The following HTR1F variants were observed in gnomAD, a reference collection of about 807,000 sequenced individuals.
The protein encoded by HTR1F is 5-hydroxytryptamine receptor 1F, also known as 5-hydroxytryptamine (serotonin) receptor 1F, G protein-coupled.
In HTR1F, 17 loss-of-function variants were observed where a neutral mutation model predicts 24.0. The ratio of observed to expected loss-of-function variants is 0.71; its 90% CI spans 0.48 to 1.06. HTR1F has a LOEUF of 1.06. Ranked by LOEUF, HTR1F falls within the 50% of genes least tolerant of loss-of-function variation. The pLI is 0.00. For synonymous variants in HTR1F, 186 were observed against 156.8 expected, an observed-to-expected ratio of 1.19 and a Z score of -1.39; for missense variants, 391 against 427.8, an observed-to-expected ratio of 0.91 and a Z score of 0.76.
chr3:87,961,550 G>A lies in HTR1F; in HGVS notation c.-42-29158G>A, dbSNP rs148287051. Among the ~76,000 whole-genome samples the A allele has an allele frequency of 5.7e-3, 863 of 152,020 alleles. 9 individuals are homozygous for A. Among genetic ancestry groups the A allele is most frequent in the African/African-American group, 0.02 (822 of 41,508 alleles). The stretch of plus-strand genomic sequence containing the variant: ...GCCTAGATGGGAGGATCACTTGAAG[G>A]CTGGAGCTTGAGACCAGCCTGGGCA... On this transcript the variant is annotated intron_variant, in intron 2 of 2. Coordinates refer to ENST00000319595, the MANE Select transcript of HTR1F (RefSeq NM_001322209.2).
At position 87,815,458 on chromosome 3, in the gene HTR1F, C is replaced by T. The variant is rs181094850; in HGVS notation, c.-159-6550C>T. On this transcript the variant is annotated intron_variant, in intron 1 of 2. Coordinates refer to ENST00000319595, the MANE Select transcript of HTR1F (RefSeq NM_001322209.2). Reference sequence around the variant, plus strand: ...AGCCTATGGATTTGTCTTTTATTTGCTATGTAATTACCATATTTGAAGATG... The same window carrying T: ...AGCCTATGGATTTGTCTTTTATTTGTTATGTAATTACCATATTTGAAGATG... Among the ~76,000 whole-genome samples the T allele has an allele frequency of 4.6e-4, 70 of 152,084 alleles. 1 individual carries two copies. Among genetic ancestry groups the T allele is most frequent in the Non-Finnish European group, 9.1e-4 (62 of 67,920 alleles).
intron 2 of HTR1F, among the ~76,000 whole-genome samples, chr3:87,888,497 T>C (rs993474531): frequency 9.2e-5 from 14 of 151,914 alleles, no homozygotes; most frequent in African/African-American, 3.4e-4. Flanking sequence ...AATAGAAGTA[T>C]GAAATTACTA....
chr3:87,846,598 TTTTG>T (rs562592512), intron 2 of HTR1F, among the ~76,000 whole-genome samples: 47 of 152,072 alleles, frequency 3.1e-4, no homozygotes, highest in Non-Finnish European at 5.7e-4. Flanking sequence ...ATTTCAATTT[TTTTG>T]TTTGTTTGTT....
At chr3:87,916,655 C>A (rs1401707308) in intron 2 of HTR1F, among the ~76,000 whole-genome samples, 1 of 152,106 alleles carries the variant, frequency 6.6e-6, no homozygotes, top group Admixed American at 6.6e-5. Context: ...GGTAAAAGGT[C>A]TTGTCCAACA....
rs181597190 is a variant in HTR1F, at chr3:87,819,874, A to T, written c.-159-2134A>T. ...GATTACTGTTGACAAACTACAAACT[A>T]TTTAAGTACAATGAGAAAAAAGTTA... is the stretch of plus-strand genomic sequence containing the variant. On this transcript the variant is annotated intron_variant, in intron 1 of 2. Coordinates refer to ENST00000319595, the MANE Select transcript of HTR1F (RefSeq NM_001322209.2). Among the ~76,000 whole-genome samples the T allele has an allele frequency of 2.1e-3, 316 of 151,854 alleles. 1 individual carries two copies. Among genetic ancestry groups the T allele is most frequent in the African/African-American group, 7.0e-3 (291 of 41,550 alleles).
At chr3:87,904,106 A>G (rs1314061027) in intron 2 of HTR1F, among the ~76,000 whole-genome samples, 1 of 152,130 alleles carries the variant, frequency 6.6e-6, no homozygotes, top group African/African-American at 2.4e-5. Flanking sequence ...AGTAGCTAAT[A>G]AGCATAAAAA....
chr3:87,819,431 A>T (rs573016552), intron 1 of HTR1F, among the ~76,000 whole-genome samples: 1 of 150,414 alleles, frequency 6.6e-6, no homozygotes, highest in South Asian at 2.1e-4. Flanking sequence ...TTTATTTTTC[A>T]TCTAGTTTGC....
In HTR1F at chr3:87,990,824, G is replaced by T. The variant is rs138692634; in HGVS notation, c.75G>T (p.Leu25=). Residue 25 remains leucine (L), a synonymous_variant, in exon 3 of 3, where the codon CTG becomes CTT. Coordinates refer to ENST00000319595, the MANE Select transcript of HTR1F (RefSeq NM_001322209.2). ...ELLNRMPSKI[L]VSLTLSGLAL... is the part of the protein sequence containing the mutation. ...TAAACAGAATGCCATCCAAAATTCT[G>T]GTGTCCCTCACTCTGTCTGGGCTGG... 3.3e-5 allele frequency: 53 copies of T among 1,613,972 alleles called. No homozygotes were observed. The highest frequency in any genetic ancestry group is 4.3e-5 in the Non-Finnish European group (51 of 1,179,894).
intron 2 of HTR1F, among the ~76,000 whole-genome samples, chr3:87,859,055 G>T (rs1462117952): frequency 6.6e-6 from 1 of 152,160 alleles, no homozygotes; most frequent in Non-Finnish European, 1.5e-5. Context: ...AAATTAGCCA[G>T]ACTTGGTGGT....
intron 2 of HTR1F, among the ~76,000 whole-genome samples, chr3:87,972,442 T>C (rs918103531): frequency 1.3e-5 from 2 of 152,224 alleles, no homozygotes; most frequent in Non-Finnish European, 2.9e-5. Flanking sequence ...TTGAATATAT[T>C]GTCTTCACCA....
intron 2 of HTR1F, among the ~76,000 whole-genome samples, chr3:87,962,072 C>T (rs1705074711): frequency 1.3e-5 from 2 of 151,966 alleles, no homozygotes; most frequent in African/African-American, 4.8e-5. Flanking sequence ...TCAAAAATGA[C>T]GTACATTGAA....
intron 2 of HTR1F, among the ~76,000 whole-genome samples, chr3:87,871,459 AAAAGAG>A: frequency 6.6e-6 from 1 of 152,096 alleles, no homozygotes; most frequent in East Asian, 1.9e-4. Flanking sequence ...TCCCAGGAGG[AAAAGAG>A]AAAGAGAAAG....
At chr3:87,932,525 T>G (rs1214076147) in intron 2 of HTR1F, among the ~76,000 whole-genome samples, 1 of 152,092 alleles carries the variant, frequency 6.6e-6, no homozygotes, top group Non-Finnish European at 1.5e-5. Flanking sequence ...CTTGGCAATG[T>G]GGGCTCTTTT....
chr3:87,911,261 C>T (rs1296296454), intron 2 of HTR1F, among the ~76,000 whole-genome samples: 1 of 151,974 alleles, frequency 6.6e-6, no homozygotes, highest in Admixed American at 6.6e-5. Flanking sequence ...CAAATAAACA[C>T]TGTTAGAAAT....
At position 87,990,902 on chromosome 3, in the gene HTR1F, C is replaced by G. The variant is rs763871675; in HGVS notation, c.153C>G (p.Thr51=). The change falls in exon 3 of 3, where the codon ACC becomes ACG. Residue 51 remains threonine, a synonymous_variant. Transcript: ENST00000319595. ...TTGTGATCGCTGCAATTATTGTGAC[C>G]CGGAAGCTGCACCATCCAGCCAATT... ...NSLVIAAIIV[T]RKLHHPANYL... is the part of the protein sequence containing the mutation. 1.4e-5 allele frequency: 22 copies of G among 1,614,122 alleles called. 1 individual carries two copies. The highest frequency in any genetic ancestry group is 1.6e-5 in the Non-Finnish European group (19 of 1,180,026).
chr3:87,944,962 T>C (rs996201340), intron 2 of HTR1F, among the ~76,000 whole-genome samples: 4 of 152,214 alleles, frequency 2.6e-5, no homozygotes, highest in African/African-American at 9.6e-5. Flanking sequence ...AGACCTCCAA[T>C]TATCAATTAT....
rs1425465905 is a variant in HTR1F, at chr3:87,810,820, C to T, written c.-159-11188C>T. Among the ~76,000 whole-genome samples, 3 of 152,096 alleles carry T rather than the reference C, an allele frequency of 2.0e-5. No individual in the cohort carries two copies. In the East Asian group the frequency reaches 5.8e-4, roughly 29 times the overall value. ...TATGTTCCCCAACTTGTGGCTTTGA[C>T]ACAGTTTATATTTCATGTGAAGAAG... On this transcript the variant is annotated intron_variant, in intron 1 of 2. Coordinates refer to ENST00000319595, the MANE Select transcript of HTR1F (RefSeq NM_001322209.2).
intron 2 of HTR1F, among the ~76,000 whole-genome samples, chr3:87,946,330 C>A (rs1704704084): frequency 6.6e-6 from 1 of 152,050 alleles, no homozygotes; most frequent in African/African-American, 2.4e-5. Context: ...GATTTAATAG[C>A]CTGAAAACAG....
At chr3:87,874,243 C>T (rs1461842655) in intron 2 of HTR1F, among the ~76,000 whole-genome samples, 1 of 152,004 alleles carries the variant, frequency 6.6e-6, no homozygotes, top group Non-Finnish European at 1.5e-5. Flanking sequence ...ATTCCACACA[C>T]ACACATACAA....
Sources: allele counts gnomAD v4.1 joint callset (sites outside exome capture counted in the v4.1 genomes callset), GRCh38; gene constraint gnomAD v4.1.1; transcripts MANE v1.5; gene names NCBI Gene and HGNC (gene_info 2026-07-23, HGNC 2026-07-21).